TNXB: variants seen among roughly 807,000 people sequenced by gnomAD.
The protein encoded by TNXB is tenascin-X.
In TNXB, 183 loss-of-function variants were observed where a neutral mutation model predicts 340.5. The observed-to-expected ratio is 0.54, with a 90% CI of 0.48 to 0.61. TNXB has a LOEUF of 0.61. Among genes scored for constraint, TNXB ranks in the 20% least tolerant of loss-of-function variants. The pLI, the probability that TNXB is intolerant of heterozygous loss-of-function variation, is 0.00. For synonymous variants in TNXB, 2,121 were observed against 2,314.5 expected (o/e 0.92, Z 2.40); for missense variants, 4,613 against 5,446.4 (o/e 0.85, Z 4.82).
At position 32,097,556 on chromosome 6, in the gene TNXB, T is replaced by C. The variant is rs952246849; in HGVS notation, c.404-107A>G. The C allele has an allele frequency of 2.2e-5, 30 of 1,362,004 alleles. No individual in the cohort carries two copies. The African/African-American group carries it at 3.5e-4, about 16-fold the overall frequency. The allele number at this position is 1,362,004 out of a possible 1,614,324, so 84.4% of individuals were successfully genotyped here. A position where few individuals can be genotyped will look rare whatever the true frequency, so the allele number is the denominator to read the frequency against. On this transcript the variant is annotated intron_variant, in intron 2 of 43. Transcript: ENST00000644971. The surrounding 1 kb of genome is among the most constrained non-coding windows in gnomAD (Gnocchi z 5.9). ...CCCTAGCCAGGCTAGCCTCATCTCA[T>C]AAGGCCATGTCTGCTCCCAGTTGCT...
In TNXB at chr6:32,080,823, C is replaced by T. The variant is rs561041131; in HGVS notation, c.4042+545G>A. Among the ~76,000 whole-genome samples the T allele has an allele frequency of 1.1e-4, 16 of 152,280 alleles. No homozygotes were observed. The highest frequency in any genetic ancestry group is 2.2e-4 in the Non-Finnish European group (15 of 68,018). On this transcript the variant is annotated intron_variant, in intron 10 of 43. Transcript: ENST00000644971. The surrounding 1 kb of genome is among the most constrained non-coding windows in gnomAD (Gnocchi z 4.3). ...TGCTGGGCTGAACACAATCCCTTTG[C>T]CCTGTTCCAAGGGGGCTGGGAGTCA...
At chr6:32,053,807 G>C in intron 24 of TNXB, 96 bp from the exon 25 acceptor site, 1 of 1,400,554 alleles carries the variant, frequency 7.1e-7, no homozygotes, top group Non-Finnish European at 9.8e-7. Context: ...AGAGCAGGAC[G>C]ATGCTGCCCA....
Position 32,098,162 on chromosome 6 carries a change from C to A in TNXB, c.37G>T (p.Val13Phe), listed in dbSNP as rs898029071. ...GCTGTGCTCAGCAGCACCAGGAGAA[C>A]CAGGCTGGAGGTTAGAGCATACTGG... is the stretch of plus-strand genomic sequence containing the variant. ...PAQYALTSSL[V>F]LLVLLSTARA... The change falls in exon 2 of 44, where the codon GTT (valine) becomes TTT (phenylalanine). Residue 13 changes from valine (V) to phenylalanine (F), a missense_variant. Physicochemically the swap from Val to Phe is conservative, Grantham distance 50. Around this residue, in one of 7 missense-constraint regions of TNXB, gnomAD observed 4,327 missense variants for 4,859.4 expected, o/e 0.89. Coordinates refer to ENST00000644971, the MANE Select transcript of TNXB (RefSeq NM_001365276.2). 1.9e-6 allele frequency: 3 copies of A among 1,564,902 alleles called. No homozygotes were observed. Among genetic ancestry groups the A allele is most frequent in the African/African-American group, 1.4e-5 (1 of 73,742 alleles).
Position 32,079,286 on chromosome 6 carries a change from G to A in TNXB, c.4122C>T (p.Leu1374=), listed in dbSNP as rs1313725492. ...ATCCTGTCACTGTCAGCTCCCCCAG[G>A]AGCGGCTCCTCGGGGGACTCCGGGG... ...TEAPESPEEP[L]LGELTVTGSS... is the part of the protein sequence containing the mutation. Residue 1374 remains leucine, a synonymous_variant, in exon 11 of 44, where the codon CTC becomes CTT. Transcript: ENST00000644971. The surrounding 1 kb of genome is among the most constrained non-coding windows in gnomAD (Gnocchi z 7.1). 14 of 1,613,058 alleles carry A rather than the reference G, an allele frequency of 8.7e-6. No homozygotes were observed. In the African/African-American group the frequency reaches 1.2e-4, roughly 14 times the overall value.
chr6:32,072,106 G>A lies in TNXB; in HGVS notation c.4874C>T (p.Ala1625Val). Residue 1625 changes from alanine to valine, a missense_variant, in exon 13 of 44, where the codon GCA (alanine) becomes GTA (valine). Ala to Val is a moderately conservative substitution (Grantham distance 64). This residue lies in a region of TNXB where 4,327 missense variants were observed against 4,859.4 expected (regional missense o/e 0.89). Coordinates refer to ENST00000644971, the MANE Select transcript of TNXB (RefSeq NM_001365276.2). The surrounding 1 kb of genome is among the most constrained non-coding windows in gnomAD (Gnocchi z 4.4). ...DGQPQVVPVA[A>V]DQREVTIPDL... ...AGGGATAGTGACCTCCCGCTGATCT[G>A]CAGCCACGGGCACCACCTGGGGCTG... The A allele has an allele frequency of 6.2e-7, 1 of 1,612,994 alleles. No individual in the cohort carries two copies.
In TNXB at chr6:32,049,427, G is replaced by C. The variant is rs779113675; in HGVS notation, c.9600C>G (p.Tyr3200Ter). The change falls in exon 28 of 44, where the codon TAC (tyrosine) becomes TAG (stop). Residue 3200 changes from tyrosine (Y) to a stop codon, truncating the protein, a stop_gained. Transcript: ENST00000644971. LOFTEE classifies it high-confidence loss of function. The surrounding 1 kb of genome is among the most constrained non-coding windows in gnomAD (Gnocchi z 4.5). Reference sequence around the variant, plus strand: ...CCTGGGGCTGCCCGTCCCTGTCCTTGTACTGCACGGTGAAGGAGTCGAAGC... The same window carrying C: ...CCTGGGGCTGCCCGTCCCTGTCCTTCTACTGCACGGTGAAGGAGTCGAAGC... ...QGRFDSFTVQYKDRDGQPQVV... is the reference protein window; with the variant it reads ...QGRFDSFTVQ The C allele has an allele frequency of 6.2e-7, 1 of 1,612,738 alleles. No individual in the cohort carries two copies. The highest frequency in any genetic ancestry group is 8.5e-7 in the Non-Finnish European group (1 of 1,179,878).
At chr6:32,095,576 G>C in intron 3 of TNXB, 35 bp downstream of exon 3, 1 of 1,586,184 alleles carries the variant, frequency 6.3e-7, no homozygotes, top group Non-Finnish European at 8.6e-7. Flanking sequence ...CAGAATCACA[G>C]TCCCAGAGTA....
chr6:32,096,423 T>A lies in TNXB; in HGVS notation c.1430A>T (p.Glu477Val). The A allele has an allele frequency of 6.3e-7, 1 of 1,590,800 alleles. No individual in the cohort carries two copies. The highest frequency in any genetic ancestry group is 1.3e-5 in the African/African-American group (1 of 74,104). ...PGDCRGRGRC[E>V]SGRCMCWPGY... Reference sequence around the variant, plus strand: ...CGGCCAACACATGCAGCGGCCACTCTCACAGCGGCCCCGGCCACGACAGTC... The same window carrying A: ...CGGCCAACACATGCAGCGGCCACTCACACAGCGGCCCCGGCCACGACAGTC... Residue 477 changes from glutamate (E) to valine (V), a missense_variant, in exon 3 of 44, where the codon GAG (glutamate) becomes GTG (valine). Glu to Val is a moderately radical substitution (Grantham distance 121, BLOSUM62 -2). Around this residue, in one of 7 missense-constraint regions of TNXB, gnomAD observed 4,327 missense variants for 4,859.4 expected, o/e 0.89. Coordinates refer to ENST00000644971, the MANE Select transcript of TNXB (RefSeq NM_001365276.2).
At chr6:32,088,586 T>C (rs111241202) in intron 6 of TNXB, among the ~76,000 whole-genome samples, 199 bp downstream of exon 6, 69 of 152,038 alleles carry the variant, frequency 4.5e-4, no homozygotes, top group Non-Finnish European at 9.0e-4. Context: ...ATAACCTTCC[T>C]ACAGGACTCC....
Position 32,056,600 on chromosome 6 carries a change from A to G in TNXB, c.8129T>C (p.Val2710Ala), listed in dbSNP as rs1582373258. The G allele has an allele frequency of 6.2e-7, 1 of 1,612,996 alleles. No homozygotes were observed. Among genetic ancestry groups the G allele is most frequent in the Non-Finnish European group, 8.5e-7 (1 of 1,179,838 alleles). ...HGGQRVGPIS[V>A]IGVTAAEEET... Reference sequence around the variant, plus strand: ...CATCCACTCACCCGTCACCCCAATGACAGAGATGGGGCCCACGCGCTGGCC... The same window carrying G: ...CATCCACTCACCCGTCACCCCAATGGCAGAGATGGGGCCCACGCGCTGGCC... Residue 2710 changes from valine (V) to alanine (A), a missense_variant, in exon 23 of 44, where the codon GTC becomes GCC. Physicochemically the swap from Val to Ala is moderately conservative, Grantham distance 64. This residue lies in a region of TNXB where 4,327 missense variants were observed against 4,859.4 expected (regional missense o/e 0.89). Coordinates refer to ENST00000644971, the MANE Select transcript of TNXB (RefSeq NM_001365276.2).
chr6:32,055,853 G>A lies in TNXB; in HGVS notation c.8465C>T (p.Thr2822Ile). 1 of 1,610,092 alleles carries A rather than the reference G, an allele frequency of 6.2e-7. No individual in the cohort carries two copies. The highest frequency in any genetic ancestry group is 8.5e-7 in the Non-Finnish European group (1 of 1,177,320). The change falls in exon 24 of 44, where the codon ACA (threonine) becomes ATA (isoleucine). Residue 2822 changes from threonine (T) to isoleucine (I), a missense_variant and splice_region_variant. Around this residue, in one of 7 missense-constraint regions of TNXB, gnomAD observed 4,327 missense variants for 4,859.4 expected, o/e 0.89. Coordinates refer to ENST00000644971, the MANE Select transcript of TNXB (RefSeq NM_001365276.2). ...RVGPVSTVGV[T>I]APEDEAETTQ... ...CTTCCTCACTCACAAACACTCACCTGTCACACCCACGGTGGACACCGGGCC... is the reference window on the plus strand; with the variant it reads ...CTTCCTCACTCACAAACACTCACCTATCACACCCACGGTGGACACCGGGCC...
chr6:32,061,425 C>T lies in TNXB; in HGVS notation c.7464G>A (p.Val2488=), dbSNP rs1369613760. ...HLYGLHEGRR[V]GPVSTVGVTA... is the part of the protein sequence containing the mutation. ...TCACGCCCACGGTGGACACCGGGCC[C>T]ACGCGCCGCCCCTCGTGGAGGCCAT... The change falls in exon 21 of 44, where the codon GTG becomes GTA. Residue 2488 remains valine (V), a synonymous_variant. Coordinates refer to ENST00000644971, the MANE Select transcript of TNXB (RefSeq NM_001365276.2). This position sits in a 1 kb window ranked among gnomAD's most constrained non-coding sequence, Gnocchi z 4.4. 7 of 1,612,792 alleles carry T rather than the reference C, an allele frequency of 4.3e-6. No homozygotes were observed. Among genetic ancestry groups the T allele is most frequent in the Non-Finnish European group, 5.9e-6 (7 of 1,179,532 alleles).
Position 32,048,455 on chromosome 6 carries a change from G to C in TNXB, c.9953C>G (p.Ser3318Trp). ...VSGDLRAVAV[S>W]GLDPARKYKF... ...GTACTTGCGGGCCGGGTCCAGCCCC[G>C]AGACGGCGACCGCTCGGAGGTCTCC... Residue 3318 changes from serine (S) to tryptophan (W), a missense_variant, in exon 29 of 44, where the codon TCG (serine) becomes TGG (tryptophan). This residue lies in a region of TNXB where 4,327 missense variants were observed against 4,859.4 expected (regional missense o/e 0.89). Transcript: ENST00000644971. 1 of 1,589,694 alleles carries C rather than the reference G, an allele frequency of 6.3e-7. No homozygotes were observed. Among genetic ancestry groups the C allele is most frequent in the Non-Finnish European group, 8.6e-7 (1 of 1,166,888 alleles).
chr6:32,052,650 C>T lies in TNXB; in HGVS notation c.9115+20G>A. On this transcript the variant is annotated intron_variant, in intron 26 of 43. Transcript: ENST00000644971. The surrounding 1 kb of genome is among the most constrained non-coding windows in gnomAD (Gnocchi z 4.7). ...TTCCAGGGCCATCTTCCCCACCTCG[C>T]CTCACTCACACTTACTCACCTGTCA... 2.5e-6 allele frequency: 4 copies of T among 1,606,176 alleles called. No homozygotes were observed. The highest frequency in any genetic ancestry group is 3.4e-6 in the Non-Finnish European group (4 of 1,173,864).
chr6:32,097,568 T>A lies in TNXB; in HGVS notation c.404-119A>T. 1.6e-6 allele frequency: 2 copies of A among 1,266,648 alleles called. No homozygotes were observed. Among genetic ancestry groups the A allele is most frequent in the South Asian group, 3.0e-5 (2 of 65,844 alleles). The allele number at this position is 1,266,648 out of a possible 1,614,324, so 78.5% of individuals were successfully genotyped here. A position where few individuals can be genotyped will look rare whatever the true frequency, so the allele number is the denominator to read the frequency against. ...TAGCCTCATCTCATAAGGCCATGTC[T>A]GCTCCCAGTTGCTAGTATGTGTAAT... On this transcript the variant is annotated intron_variant, in intron 2 of 43. Transcript: ENST00000644971. This position sits in a 1 kb window ranked among gnomAD's most constrained non-coding sequence, Gnocchi z 5.9.
rs1212961479 is a variant in TNXB, at chr6:32,058,218, C to T, written c.7665G>A (p.Gln2555=). 6.2e-7 allele frequency: 1 copy of T among 1,612,368 alleles called. No homozygotes were observed. The highest frequency in any genetic ancestry group is 1.3e-5 in the African/African-American group (1 of 74,886). The change falls in exon 22 of 44, where the codon CAG becomes CAA. Residue 2555 remains glutamine, a synonymous_variant. Coordinates refer to ENST00000644971, the MANE Select transcript of TNXB (RefSeq NM_001365276.2). The surrounding 1 kb of genome is among the most constrained non-coding windows in gnomAD (Gnocchi z 5.1). ...GGGGCCGCCCGTCCCTGTCCTTGTA[C>T]TGCACGGTGAAGGAGTCAAAGCGGC... ...PQGRFDSFTV[Q]YKDRDGRPQA... is the part of the protein sequence containing the mutation.
rs1475382022 is a variant in TNXB, at chr6:32,072,431, TGCA to T, written c.4682-136_4682-134del. On this transcript the variant is annotated intron_variant, in intron 12 of 43. Coordinates refer to ENST00000644971, the MANE Select transcript of TNXB (RefSeq NM_001365276.2). This position sits in a 1 kb window ranked among gnomAD's most constrained non-coding sequence, Gnocchi z 4.4. Reference sequence around the variant, plus strand: ...TTTACTTCCAGACCTCTAACTGAAATGCAGCATTTCTTTCCAAAACTAATATAG... The same window carrying T: ...TTTACTTCCAGACCTCTAACTGAAATGCATTTCTTTCCAAAACTAATATAG... The T allele has an allele frequency of 8.9e-6, 6 of 676,874 alleles. No individual in the cohort carries two copies. In the East Asian group the frequency reaches 1.7e-4, roughly 19 times the overall value. The allele number at this position is 676,874 out of a possible 1,614,324, so 41.9% of individuals were successfully genotyped here. A position where few individuals can be genotyped will look rare whatever the true frequency, so the allele number is the denominator to read the frequency against.
Position 32,069,073 on chromosome 6 carries a change from A to G in TNXB, c.5651T>C (p.Leu1884Pro), listed in dbSNP as rs1218853332. 2 of 1,612,614 alleles carry G rather than the reference A, an allele frequency of 1.2e-6. No individual in the cohort carries two copies. Among genetic ancestry groups the G allele is most frequent in the Non-Finnish European group, 8.5e-7 (1 of 1,179,860 alleles). ...APTPPAPEPHLGELTVEEATS... is the reference protein window; with the variant it reads ...APTPPAPEPHPGELTVEEATS... ...GGCCTCCTCCACTGTCAACTCCCCG[A>G]GGTGGGGCTCAGGCGCTGGAGGGGT... The change falls in exon 16 of 44, where the codon CTC becomes CCC. Residue 1884 changes from leucine to proline, a missense_variant. Physicochemically the swap from Leu to Pro is moderately conservative, Grantham distance 98. Coordinates refer to ENST00000644971, the MANE Select transcript of TNXB (RefSeq NM_001365276.2). The surrounding 1 kb of genome is among the most constrained non-coding windows in gnomAD (Gnocchi z 6.2).
chr6:32,078,946 C>T, intron 11 of TNXB, 87 bp downstream of exon 11: 1 of 1,409,310 alleles, frequency 7.1e-7, no homozygotes, highest in South Asian at 1.3e-5. Context: ...CTCAAGGTTC[C>T]ACTGGAGCAA....
Sources: allele counts gnomAD v4.1 joint callset (sites outside exome capture counted in the v4.1 genomes callset), GRCh38; gene constraint gnomAD v4.1.1; regional missense constraint gnomAD v4.1.1; non-coding constraint Gnocchi (gnomAD v3.1); transcripts MANE v1.5; gene names NCBI Gene and HGNC (gene_info 2026-07-23, HGNC 2026-07-21).